The following CELSR1 variants were observed in gnomAD, a reference collection of about 807,000 sequenced individuals.
CELSR1 encodes cadherin EGF LAG seven-pass G-type receptor 1, also known as adhesion G protein-coupled receptor C1.
In CELSR1, 110 loss-of-function variants were observed where a neutral mutation model predicts 249.1. The observed-to-expected ratio is 0.44, with a 90% confidence interval of 0.38 to 0.52. The LOEUF (loss-of-function observed/expected upper bound fraction) is 0.52. CELSR1 is among the 20% of genes least tolerant of loss of function. The probability of loss-of-function intolerance (pLI) is 0.00; values close to 1 mark genes in which losing one functional copy is unlikely to be tolerated. For missense variants in CELSR1, 4,109 were observed against 4,296.4 expected (o/e 0.96, Z 1.22); for synonymous variants, 2,113 against 1,900.0 (o/e 1.11, Z -2.92).
Position 46,533,649 on chromosome 22 carries a change from C to T in CELSR1, c.3522G>A (p.Ala1174=), listed in dbSNP as rs2080815545. 1.3e-6 allele frequency: 2 copies of T among 1,583,898 alleles called. No individual in the cohort carries two copies. The highest frequency in any genetic ancestry group is 1.3e-5 in the African/African-American group (1 of 74,668). Residue 1174 remains alanine (A), a synonymous_variant, in exon 1 of 35, where the codon GCG becomes GCA. Coordinates refer to ENST00000674500, the MANE Select transcript of CELSR1 (RefSeq NM_001378328.1). ...CACCAGACACAGACACCTCCATGAG[C>T]GCCTCCAGCGGCCGGTTGTTGTCCA... ...RDLDNNRPLE[A]LMEVSVSDGI...
chr22:46,368,561 T>C (rs1265860274), intron 27 of CELSR1, among the ~76,000 whole-genome samples: 1 of 151,848 alleles, frequency 6.6e-6, no homozygotes, highest in East Asian at 2.0e-4. Flanking sequence ...CGCCCATCCC[T>C]GGCTCAGTCC....
chr22:46,379,853 G>A (rs929640393), intron 22 of CELSR1, among the ~76,000 whole-genome samples: 6 of 152,098 alleles, frequency 3.9e-5, no homozygotes, highest in East Asian at 3.9e-4. Context: ...ACTCCCTCCC[G>A]GTGTGTGGGG....
At chr22:46,385,720 C>T (rs567307059) in intron 19 of CELSR1, among the ~76,000 whole-genome samples, 11,314 of 149,274 alleles carry the variant, frequency 0.076, 542 homozygotes, top group African/African-American at 0.13. Flanking sequence ...CTCTCTCGCC[C>T]AGGCTGGAGT....
chr22:46,446,474 C>T lies in CELSR1; in HGVS notation c.4184-7063G>A, dbSNP rs2079822258. Among the ~76,000 whole-genome samples, 1 of 152,188 alleles carries T rather than the reference C, an allele frequency of 6.6e-6. No individual in the cohort carries two copies. Among genetic ancestry groups the T allele is most frequent in the Admixed American group, 6.5e-5 (1 of 15,276 alleles). On this transcript the variant is annotated intron_variant, in intron 2 of 34. Transcript: ENST00000674500. The surrounding 1 kb of genome is among the most constrained non-coding windows in gnomAD (Gnocchi z 5.5). ...GATGGTTCCCCCGTGTGTTTCTCTC[C>T]CCAGCTCTGTGCAGGCAATGACAGG...
chr22:46,414,766 G>A (rs2079379971), intron 5 of CELSR1, among the ~76,000 whole-genome samples: 1 of 152,212 alleles, frequency 6.6e-6, no homozygotes, highest in Non-Finnish European at 1.5e-5. Context: ...ACATGACCCA[G>A]CACCACCAGC....
rs2079618010 is a variant in CELSR1, at chr22:46,433,341, C to T, written c.4611+52G>A. The T allele has an allele frequency of 2.1e-6, 3 of 1,451,092 alleles. No homozygotes were observed. The highest frequency in any genetic ancestry group is 9.6e-7 in the Non-Finnish European group (1 of 1,044,304). The allele number at this position is 1,451,092 out of a possible 1,614,324, so 89.9% of individuals were successfully genotyped here. On this transcript the variant is annotated intron_variant, in intron 5 of 34. Coordinates refer to ENST00000674500, the MANE Select transcript of CELSR1 (RefSeq NM_001378328.1). The surrounding 1 kb of genome is among the most constrained non-coding windows in gnomAD (Gnocchi z 5.7). ...TGAGCCACTGCGCCTCGCCCCAGGG[C>T]ACCTTCTCGAGCCGCCCTGGGGCCA...
chr22:46,377,698 CTCCA>C, intron 23 of CELSR1: 2 of 197,038 alleles, frequency 1.0e-5, no homozygotes, highest in South Asian at 1.0e-4. Context: ...CTGACCCCGT[CTCCA>C]GGCTGGGTCC....
In CELSR1 at chr22:46,506,158, G is replaced by A. The variant is rs1367935814; in HGVS notation, c.3544+27469C>T. On this transcript the variant is annotated intron_variant, in intron 1 of 34. Coordinates refer to ENST00000674500, the MANE Select transcript of CELSR1 (RefSeq NM_001378328.1). The surrounding 1 kb of genome is among the most constrained non-coding windows in gnomAD (Gnocchi z 4.1). The stretch of plus-strand genomic sequence containing the variant: ...CACACCATTGCAGTCCAGCCTGGGC[G>A]ACAGAGACTGTCTCCAAAAAAAAAA... Among the ~76,000 whole-genome samples the A allele has an allele frequency of 1.4e-5, 2 of 143,402 alleles. No homozygotes were observed. The highest frequency in any genetic ancestry group is 2.6e-5 in the African/African-American group (1 of 37,922). The allele number at this position is 143,402 out of a possible 152,430, so 94.1% of individuals were successfully genotyped here.
chr22:46,438,643 T>C (rs1316145896), intron 3 of CELSR1, among the ~76,000 whole-genome samples: 1 of 152,164 alleles, frequency 6.6e-6, no homozygotes, highest in African/African-American at 2.4e-5. Flanking sequence ...GACATTTAAT[T>C]AAACGTTATT....
chr22:46,522,289 C>G (rs1332084158), intron 1 of CELSR1, among the ~76,000 whole-genome samples: 2 of 152,172 alleles, frequency 1.3e-5, no homozygotes, highest in Non-Finnish European at 2.9e-5. Flanking sequence ...CCACACCCAG[C>G]TAATTTTTTT....
rs1320973454 is a variant in CELSR1 at position 46,399,593 on chromosome 22, C to G, written c.5412+124G>C. Reference sequence around the variant, plus strand: ...AGAACAGAAGCCCACCTGCGGGGACCCAGAAAGTGCCTCCCCAAATCCACA... The same window carrying G: ...AGAACAGAAGCCCACCTGCGGGGACGCAGAAAGTGCCTCCCCAAATCCACA... On this transcript the variant is annotated intron_variant, in intron 10 of 34. Coordinates refer to ENST00000674500, the MANE Select transcript of CELSR1 (RefSeq NM_001378328.1). This position sits in a 1 kb window ranked among gnomAD's most constrained non-coding sequence, Gnocchi z 5.0. The G allele has an allele frequency of 6.4e-6, 6 of 941,174 alleles. No homozygotes were observed. The highest frequency in any genetic ancestry group is 9.8e-6 in the Non-Finnish European group (6 of 613,416). 58.3% of individuals were successfully genotyped at this position (941,174 alleles called of 1,614,324 possible).
rs574618981 is a variant in CELSR1, at chr22:46,398,019, G to T, written c.5527-171C>A. ...CCTCTTGCCCCACGGCCTGCTGGCC[G>T]GAGTGCAGTGGAGGGCTGGGTGAGG... On this transcript the variant is annotated intron_variant, in intron 11 of 34. Coordinates refer to ENST00000674500, the MANE Select transcript of CELSR1 (RefSeq NM_001378328.1). This position sits in a 1 kb window ranked among gnomAD's most constrained non-coding sequence, Gnocchi z 7.2. Among the ~76,000 whole-genome samples, 8 of 152,324 alleles carry T rather than the reference G, an allele frequency of 5.3e-5. No individual in the cohort carries two copies. The highest frequency in any genetic ancestry group is 1.7e-4 in the African/African-American group (7 of 41,586).
In CELSR1 at chr22:46,534,742, G is replaced by A. The variant is rs771376019; in HGVS notation, c.2429C>T (p.Thr810Ile). ...TGTGTCCTCATCGTTGGCACTGAGGGTAGCAATGGAGGTGCCCACAGGCCT... is the reference window on the plus strand; with the variant it reads ...TGTGTCCTCATCGTTGGCACTGAGGATAGCAATGGAGGTGCCCACAGGCCT... Reference protein sequence around the residue: ...EDRPVGTSIATLSANDEDTGE... With the variant: ...EDRPVGTSIAILSANDEDTGE... The change falls in exon 1 of 35, where the codon ACC becomes ATC. Residue 810 changes from threonine (T) to isoleucine (I), a missense_variant. Physicochemically the swap from Thr to Ile is moderately conservative, Grantham distance 89. This residue lies in a region of CELSR1 where 886 missense variants were observed against 896.5 expected (regional missense o/e 0.99). Transcript: ENST00000674500. The surrounding 1 kb of genome is among the most constrained non-coding windows in gnomAD (Gnocchi z 9.7). 1.2e-6 allele frequency: 2 copies of A among 1,613,172 alleles called. No homozygotes were observed. The highest frequency in any genetic ancestry group is 3.3e-5 in the Admixed American group (2 of 60,018).
intron 2 of CELSR1, among the ~76,000 whole-genome samples, chr22:46,459,380 G>A (rs1416667180): frequency 6.6e-6 from 1 of 152,150 alleles, no homozygotes; most frequent in East Asian, 1.9e-4. Context: ...AGCCCCTCCG[G>A]GGCCACTGCA....
At chr22:46,531,083 C>T (rs1245442766) in intron 1 of CELSR1, among the ~76,000 whole-genome samples, 1 of 152,208 alleles carries the variant, frequency 6.6e-6, no homozygotes, top group African/African-American at 2.4e-5. Flanking sequence ...TGTTTTCTAT[C>T]CGGTGCTTTG....
rs1469270619 is a variant in CELSR1, at chr22:46,434,711, G to T, written c.4523-1230C>A. ...GAATTCACTCCTGAAAGTCAAGTGT[G>T]CCAGGCTGAGCCTGGTGGCTCACAT... On this transcript the variant is annotated intron_variant, in intron 4 of 34. Coordinates refer to ENST00000674500, the MANE Select transcript of CELSR1 (RefSeq NM_001378328.1). This position sits in a 1 kb window ranked among gnomAD's most constrained non-coding sequence, Gnocchi z 4.9. Among the ~76,000 whole-genome samples, 1 of 152,172 alleles carries T rather than the reference G, an allele frequency of 6.6e-6. No homozygotes were observed. Among genetic ancestry groups the T allele is most frequent in the African/African-American group, 2.4e-5 (1 of 41,454 alleles).
chr22:46,442,258 G>A (rs1347145429), intron 2 of CELSR1, among the ~76,000 whole-genome samples: 1 of 152,268 alleles, frequency 6.6e-6, no homozygotes, highest in Admixed American at 6.5e-5. Context: ...GGTTGCTGAT[G>A]GCTCACAGCT....
intron 5 of CELSR1, among the ~76,000 whole-genome samples, chr22:46,418,581 G>A (rs1272589872): frequency 2.0e-5 from 3 of 152,332 alleles, no homozygotes; most frequent in East Asian, 1.9e-4. Flanking sequence ...TAAGCAACTC[G>A]TGCAATTAGC....
intron 1 of CELSR1, among the ~76,000 whole-genome samples, chr22:46,504,504 C>CAAAAAAAAA (rs11341314): frequency 9.1e-6 from 1 of 109,292 alleles, no homozygotes; most frequent in Non-Finnish European, 1.9e-5. Flanking sequence ...CATCTGTCTC[C>CAAAAAAAAA]AAAAAAAAAA....
Sources: allele counts gnomAD v4.1 joint callset (sites outside exome capture counted in the v4.1 genomes callset), GRCh38; gene constraint gnomAD v4.1.1; regional missense constraint gnomAD v4.1.1; non-coding constraint Gnocchi (gnomAD v3.1); transcripts MANE v1.5; gene names NCBI Gene and HGNC (gene_info 2026-07-23, HGNC 2026-07-21).